Variants in TTC34 observed in about 807,000 individuals in gnomAD.
TTC34 encodes the protein tetratricopeptide repeat domain 34, also known as tetratricopeptide repeat protein 34.
A neutral mutation model predicts 40.7 loss-of-function variants in TTC34; 44 were observed. The ratio of observed to expected loss-of-function variants is 1.08; its 90% CI spans 0.85 to 1.39. TTC34 has a LOEUF of 1.39. Among genes scored for constraint, TTC34 ranks in the 40% most tolerant of loss-of-function variants. The probability of loss-of-function intolerance (pLI) is 0.00; values close to 1 mark genes in which losing one functional copy is unlikely to be tolerated. For synonymous variants in TTC34, 422 were observed against 398.6 expected, an observed-to-expected ratio of 1.06 and a Z score of -0.70; for missense variants, 884 against 838.0, an observed-to-expected ratio of 1.05 and a Z score of -0.68.
intron 6 of TTC34, among the ~76,000 whole-genome samples, chr1:2,748,922 G>A (rs1237233450): frequency 2.1e-3 from 5 of 2,430 alleles, no homozygotes; most frequent in Admixed American, 0.014. Context: ...AACCCACACC[G>A]CCAGGGGAGT....
intron 6 of TTC34, among the ~76,000 whole-genome samples, chr1:2,688,159 C>T: frequency 6.6e-6 from 1 of 152,166 alleles, no homozygotes; most frequent in South Asian, 2.1e-4. Flanking sequence ...CCTGGAAGGG[C>T]ACCCACACCC....
At chr1:2,692,418 C>G (rs1388989271) in intron 6 of TTC34, among the ~76,000 whole-genome samples, 1 of 123,044 alleles carries the variant, frequency 8.1e-6, no homozygotes, top group South Asian at 2.6e-4. Flanking sequence ...GGAGCAGCAC[C>G]CACACCCCCA....
chr1:2,684,493 G>C (rs1640228159), intron 6 of TTC34, among the ~76,000 whole-genome samples: 1 of 139,012 alleles, frequency 7.2e-6, no homozygotes, highest in Non-Finnish European at 1.5e-5. Flanking sequence ...GCGAGCATCT[G>C]ATGGCCTGGA....
chr1:2,748,480 T>G (rs1338740133), intron 6 of TTC34, among the ~76,000 whole-genome samples: 3 of 9,058 alleles, frequency 3.3e-4, no homozygotes, highest in African/African-American at 8.9e-4. Flanking sequence ...GCACCCCACA[T>G]CCCCGGGTGA....
chr1:2,683,552 A>C (rs1335097216), intron 6 of TTC34, among the ~76,000 whole-genome samples: 2,499 of 46,874 alleles, frequency 0.053, 30 homozygotes, highest in African/African-American at 0.064. Context: ...AGCACCCACA[A>C]CCACAGGTGA....
In TTC34 at chr1:2,688,371, C is replaced by T. The variant is rs1200953956; in HGVS notation, c.2227-42808G>A. Among the ~76,000 whole-genome samples the T allele has an allele frequency of 7.9e-5, 12 of 151,914 alleles. No individual in the cohort carries two copies. In the South Asian group the frequency reaches 2.3e-3, roughly 29 times the overall value. ...GACAGCCTGGAGCAGCACCCACACGCCCAGGTGAGCATCTGACAGCCTGGA... is the reference window on the plus strand; with the variant it reads ...GACAGCCTGGAGCAGCACCCACACGTCCAGGTGAGCATCTGACAGCCTGGA... On this transcript the variant is annotated intron_variant, in intron 6 of 8. Coordinates refer to ENST00000401095, the Ensembl canonical transcript of TTC34.
At chr1:2,785,940 C>A (rs1277136089) in exon 5 of TTC34, 1 of 1,527,482 alleles carries the variant, frequency 6.5e-7, no homozygotes, top group Admixed American at 2.1e-5. Context: ...GGCCTTGAAG[C>A]AGCTGCCGGT....
chr1:2,695,826 G>GGTGAACAT (rs1557626184), intron 6 of TTC34, among the ~76,000 whole-genome samples: 2 of 151,478 alleles, frequency 1.3e-5, no homozygotes, highest in Non-Finnish European at 2.9e-5. Flanking sequence ...GCCTGGAACA[G>GGTGAACAT]CATCCACACC....
At chr1:2,775,460 C>G (rs1279660460) in intron 6 of TTC34, 1 of 148,338 alleles carries the variant, frequency 6.7e-6, no homozygotes, top group Non-Finnish European at 1.5e-5. Flanking sequence ...CAGCCTGGAG[C>G]AGTACCCACA....
intron 6 of TTC34, among the ~76,000 whole-genome samples, chr1:2,699,240 A>G (rs1217833171): frequency 2.0e-5 from 3 of 150,136 alleles, no homozygotes; most frequent in African/African-American, 7.3e-5. Flanking sequence ...CGCCCGGAGC[A>G]GCACCCATAC....
At chr1:2,698,935 G>T (rs562561668) in intron 6 of TTC34, among the ~76,000 whole-genome samples, 1 of 138,918 alleles carries the variant, frequency 7.2e-6, no homozygotes, top group Non-Finnish European at 1.6e-5. Flanking sequence ...TGCACCCTCA[G>T]GTGAGCATCT....
At chr1:2,749,056 C>G (rs1445333030) in intron 6 of TTC34, among the ~76,000 whole-genome samples, 3 of 7,924 alleles carry the variant, frequency 3.8e-4, no homozygotes, top group African/African-American at 1.1e-3. Context: ...AGGTGAGAAT[C>G]CGACAGCCTG....
At chr1:2,769,441 C>T (rs1641955001) in intron 6 of TTC34, among the ~76,000 whole-genome samples, 1 of 47,298 alleles carries the variant, frequency 2.1e-5, no homozygotes, top group Non-Finnish European at 3.8e-5. Context: ...AGGTGAGCAT[C>T]TGACAGCCTG....
rs1641300962 is a variant in TTC34 at position 2,750,995 on chromosome 1, C to A, written c.2226+32614G>T. ...CAGGTGCGCATGTGATGGTCTGGAG[C>A]AGCACCCACACCGACAGGTGAGCAT... On this transcript the variant is annotated intron_variant, in intron 6 of 8. Coordinates refer to ENST00000401095, the Ensembl canonical transcript of TTC34. Among the ~76,000 whole-genome samples the A allele has an allele frequency of 1.9e-5, 2 of 107,304 alleles. 1 individual carries two copies. The allele number at this position is 107,304 out of a possible 152,430, so 70.4% of individuals were successfully genotyped here.
At chr1:2,677,653 C>G (rs1338199264) in intron 6 of TTC34, among the ~76,000 whole-genome samples, 23 of 150,776 alleles carry the variant, frequency 1.5e-4, no homozygotes, top group East Asian at 5.9e-4. Flanking sequence ...ACACACACCC[C>G]CAGGCGAGCA....
At chr1:2,765,683 C>T (rs1202402678) in intron 6 of TTC34, among the ~76,000 whole-genome samples, 4 of 23,414 alleles carry the variant, frequency 1.7e-4, no homozygotes, top group African/African-American at 6.8e-4. Context: ...TACCCCCAGG[C>T]GAGCATCTGA....
chr1:2,751,682 C>CCTG (rs1641325478), intron 6 of TTC34, among the ~76,000 whole-genome samples: 2 of 63,436 alleles, frequency 3.2e-5, no homozygotes, highest in African/African-American at 1.1e-4. Flanking sequence ...GGATCAGCAC[C>CCTG]CACAACCCCA....
chr1:2,754,877 C>A (rs1641454127), intron 6 of TTC34, among the ~76,000 whole-genome samples: 1 of 59,820 alleles, frequency 1.7e-5, no homozygotes, highest in Non-Finnish European at 2.9e-5. Flanking sequence ...GAGCCTGTGA[C>A]AGCCTCGAAC....
chr1:2,778,950 A>C (rs1157787850), intron 6 of TTC34, among the ~76,000 whole-genome samples: 1 of 151,850 alleles, frequency 6.6e-6, no homozygotes, highest in African/African-American at 2.4e-5. Flanking sequence ...CCAGGCACCC[A>C]CCATTCTGCT....
Sources: gnomAD v4.1 joint callset for allele counts (sites outside exome capture counted in the v4.1 genomes callset) on GRCh38, gnomAD v4.1.1 for gene constraint, MANE v1.5 for transcripts, NCBI Gene and HGNC (gene_info 2026-07-23, HGNC 2026-07-21) for gene names.